Variants in SERPINB2 observed in about 807,000 individuals in gnomAD.
SERPINB2 encodes serpin family B member 2, also known as plasminogen activator inhibitor 2.
Under a neutral mutation model 39.4 loss-of-function variants are expected in SERPINB2, and 28 were observed. The observed-to-expected ratio is 0.71, with a 90% CI of 0.53 to 0.97. SERPINB2 has a LOEUF of 0.97. Ranked by LOEUF, SERPINB2 falls within the 50% of genes least tolerant of loss-of-function variation. SERPINB2 has a pLI of 0.00. For synonymous variants in SERPINB2, 209 were observed against 175.1 expected (o/e 1.19, Z -1.53); for missense variants, 557 against 505.3 (o/e 1.10, Z -0.98).
intron 4 of SERPINB2, 25 bp from the exon 5 acceptor site, chr18:63,897,702 C>T: frequency 2.1e-6 from 3 of 1,401,362 alleles, no homozygotes; most frequent in Non-Finnish European, 3.0e-6. Flanking sequence ...TTTTATGTAG[C>T]CTTTGTCATT....
intron 1 of SERPINB2, chr18:63,889,790 G>A (rs2049914266): frequency 6.6e-6 from 1 of 151,888 alleles, no homozygotes; most frequent in Non-Finnish European, 1.5e-5. Context: ...AAGCCTTCTA[G>A]TAGAATTACA....
intron 1 of SERPINB2, chr18:63,890,467 G>T (rs2049918661): frequency 1.3e-5 from 2 of 152,226 alleles, no homozygotes; most frequent in African/African-American, 4.8e-5. Flanking sequence ...TATGTTGCAA[G>T]CTATGATGAA....
intron 3 of SERPINB2, among the ~76,000 whole-genome samples, chr18:63,895,935 G>A (rs762916586): frequency 1.5e-4 from 22 of 151,578 alleles, no homozygotes; most frequent in Non-Finnish European, 2.8e-4. Flanking sequence ...TATCTTCTCT[G>A]TCATCTGTCT....
intron 4 of SERPINB2, among the ~76,000 whole-genome samples, 181 bp from the exon 5 acceptor site, chr18:63,897,546 G>A (rs540493535): frequency 1.1e-4 from 16 of 152,106 alleles, no homozygotes; most frequent in African/African-American, 3.6e-4. Flanking sequence ...GAGTTGGGGA[G>A]TAAGCGTGGA....
Position 63,903,152 on chromosome 18 carries a change from G to A in SERPINB2, c.1095G>A (p.Glu365=). 1.2e-6 allele frequency: 2 copies of A among 1,613,662 alleles called. No individual in the cohort carries two copies. The highest frequency in any genetic ancestry group is 1.7e-6 in the Non-Finnish European group (2 of 1,179,754). The change falls in exon 8 of 8, where the codon GAG becomes GAA. Residue 365 remains glutamate, a synonymous_variant. Coordinates refer to ENST00000299502, the MANE Select transcript of SERPINB2 (RefSeq NM_002575.3). ...FHQAMVDVNE[E]GTEAAAGTGG... ...AAGCCATGGTGGATGTGAATGAGGA[G>A]GGCACTGAAGCAGCCGCTGGCACAG...
At chr18:63,899,206 C>A (rs2049977947) in intron 5 of SERPINB2, among the ~76,000 whole-genome samples, 1 of 152,092 alleles carries the variant, frequency 6.6e-6, no homozygotes, top group Admixed American at 6.5e-5. Context: ...ATCTTTTCTT[C>A]TTCTCATCTC....
chr18:63,900,422 G>A (rs1544895), intron 5 of SERPINB2, among the ~76,000 whole-genome samples: 43,487 of 151,956 alleles, frequency 0.29, 6,821 homozygotes, highest in East Asian at 0.48. Flanking sequence ...GTATTCAAGG[G>A]TGAGCTGGAG....
At chr18:63,893,432 G>GTTTT in intron 2 of SERPINB2, among the ~76,000 whole-genome samples, 1 of 136,464 alleles carries the variant, frequency 7.3e-6, no homozygotes, top group East Asian at 2.6e-4. Context: ...ATTCTATATA[G>GTTTT]TCTTTTTTTT....
intron 5 of SERPINB2, 98 bp downstream of exon 5, chr18:63,897,942 A>C: frequency 1.3e-6 from 1 of 787,016 alleles, no homozygotes; most frequent in East Asian, 2.5e-5. Flanking sequence ...ACCCCTTTAC[A>C]ATTTGTCCAA....
At chr18:63,893,731 T>C (rs1256961697) in intron 2 of SERPINB2, among the ~76,000 whole-genome samples, 4 of 152,232 alleles carry the variant, frequency 2.6e-5, no homozygotes, top group Non-Finnish European at 5.9e-5. Context: ...AGGTACTATG[T>C]AAGGCACTTA....
At chr18:63,896,786 T>C (rs2144701552) in intron 3 of SERPINB2, among the ~76,000 whole-genome samples, 1 of 152,358 alleles carries the variant, frequency 6.6e-6, no homozygotes, top group South Asian at 2.1e-4. Flanking sequence ...CAACAAAAAT[T>C]CCTTAGAGAC....
intron 1 of SERPINB2, among the ~76,000 whole-genome samples, chr18:63,888,751 T>C (rs17071975): frequency 0.023 from 3,569 of 152,276 alleles, 159 homozygotes; most frequent in East Asian, 0.2. Context: ...ACCCTGCATA[T>C]TACTCCCATT....
chr18:63,894,765 A>T (rs1187613648), intron 2 of SERPINB2, among the ~76,000 whole-genome samples: 1 of 152,230 alleles, frequency 6.6e-6, no homozygotes, highest in Non-Finnish European at 1.5e-5. Context: ...TGGTATGTGT[A>T]AATATTTTAG....
intron 5 of SERPINB2, among the ~76,000 whole-genome samples, chr18:63,900,006 CA>C (rs1406798611): frequency 6.6e-6 from 1 of 151,974 alleles, no homozygotes; most frequent in Non-Finnish European, 1.5e-5. Context: ...TGATTTAAAT[CA>C]AAAGTTCAAG....
intron 3 of SERPINB2, among the ~76,000 whole-genome samples, chr18:63,896,646 TA>T (rs1464079238): frequency 1.3e-5 from 2 of 152,248 alleles, no homozygotes; most frequent in Admixed American, 6.5e-5. Flanking sequence ...TGAGGACACT[TA>T]AAAAATATAT....
chr18:63,897,717 T>C lies in SERPINB2; in HGVS notation c.418-10T>C. ...TTTTATGTAGCCTTTGTCATTTTCT[T>C]GCTTTAAAGGAATATATTCGACTCT... On this transcript the variant is annotated splice_polypyrimidine_tract_variant and intron_variant, in intron 4 of 7. Transcript: ENST00000299502. 1 of 1,516,726 alleles carries C rather than the reference T, an allele frequency of 6.6e-7. No individual in the cohort carries two copies. Among genetic ancestry groups the C allele is most frequent in the Non-Finnish European group, 9.2e-7 (1 of 1,092,196 alleles). The allele number at this position is 1,516,726 out of a possible 1,614,324, so 94.0% of individuals were successfully genotyped here.
intron 2 of SERPINB2, among the ~76,000 whole-genome samples, 176 bp from the exon 3 acceptor site, chr18:63,895,088 G>T (rs141835206): frequency 1.3e-5 from 2 of 152,122 alleles, no homozygotes; most frequent in African/African-American, 4.8e-5. Context: ...GGAAATTTAG[G>T]TTGGCTGATA....
Position 63,902,811 on chromosome 18 carries a change from G to C in SERPINB2, c.844-90G>C, listed in dbSNP as rs948422199. On this transcript the variant is annotated intron_variant, in intron 7 of 7. Transcript: ENST00000299502. Reference sequence around the variant, plus strand: ...TCACCCACAATATAGTAAAGTCACTGATTTTTAATATTAGACTTAAAGTTG... The same window carrying C: ...TCACCCACAATATAGTAAAGTCACTCATTTTTAATATTAGACTTAAAGTTG... The C allele has an allele frequency of 2.9e-6, 4 of 1,356,084 alleles. No homozygotes were observed. The East Asian group carries it at 1.0e-4, about 34-fold the overall frequency. The allele number at this position is 1,356,084 out of a possible 1,614,324, so 84.0% of individuals were successfully genotyped here.
intron 1 of SERPINB2, among the ~76,000 whole-genome samples, chr18:63,888,887 T>A (rs2049908580): frequency 6.6e-6 from 1 of 152,244 alleles, no homozygotes; most frequent in South Asian, 2.1e-4. Flanking sequence ...GAGGCTGTGG[T>A]ATTTCACAAT....
Sources: allele counts gnomAD v4.1 joint callset (sites outside exome capture counted in the v4.1 genomes callset), GRCh38; gene constraint gnomAD v4.1.1; transcripts MANE v1.5; gene names NCBI Gene and HGNC (gene_info 2026-07-23, HGNC 2026-07-21).